CPHXL2: variants seen among roughly 807,000 people sequenced by gnomAD.
CPHXL2 encodes the protein cytoplasmic polyadenylated homeobox-like protein 2.
chr16:75,674,458 T>C, the CPHXL2 span, among the ~76,000 whole-genome samples: 1 of 149,790 alleles, frequency 6.7e-6, no homozygotes, highest in African/African-American at 2.5e-5. Context: ...CCTAAATAAA[T>C]GGATAGTTTA....
chr16:75,670,064 G>C, the CPHXL2 span, among the ~76,000 whole-genome samples: 1 of 152,190 alleles, frequency 6.6e-6, no homozygotes, highest in East Asian at 1.9e-4. Flanking sequence ...ACAGGCACCT[G>C]CCACTACGCC....
chr16:75,674,406 T>C, the CPHXL2 span, among the ~76,000 whole-genome samples: 6 of 136,224 alleles, frequency 4.4e-5, no homozygotes, highest in African/African-American at 1.7e-4. Flanking sequence ...AAGTGCAAAA[T>C]CTGTACTTTG....
At chr16:75,672,293 A>T in the CPHXL2 span, among the ~76,000 whole-genome samples, 1 of 151,800 alleles carries the variant, frequency 6.6e-6, no homozygotes, top group African/African-American at 2.4e-5. Context: ...AAAAAAAAAA[A>T]ATTTCCTTGA....
the CPHXL2 span, among the ~76,000 whole-genome samples, chr16:75,665,098 G>C: frequency 6.6e-6 from 1 of 152,178 alleles, no homozygotes; most frequent in African/African-American, 2.4e-5. Flanking sequence ...ACCAAAAAAA[G>C]CAAGTGCCTG....
chr16:75,669,654 A>C, the CPHXL2 span: 1 of 397,106 alleles, frequency 2.5e-6, no homozygotes. Context: ...CCCCTTCCCA[A>C]GTTGAAATCC....
chr16:75,660,419 G>A, the CPHXL2 span: 9 of 398,520 alleles, frequency 2.3e-5, no homozygotes, highest in East Asian at 1.1e-4. Flanking sequence ...GGGGAGGCAC[G>A]TGCTGCAGTT....
At chr16:75,660,908 A>G in the CPHXL2 span, 1 of 398,650 alleles carries the variant, frequency 2.5e-6, no homozygotes, top group Admixed American at 4.4e-5. Flanking sequence ...AGCACTGGGA[A>G]CCCACCTGTT....
the CPHXL2 span, among the ~76,000 whole-genome samples, chr16:75,673,109 A>G: frequency 1.3e-5 from 2 of 150,988 alleles, 1 homozygote; most frequent in African/African-American, 4.9e-5. Flanking sequence ...CAAAAAAAAG[A>G]AAAAGGGAAC....
the CPHXL2 span, among the ~76,000 whole-genome samples, chr16:75,662,833 C>T: frequency 2.1e-5 from 3 of 139,944 alleles, no homozygotes; most frequent in Non-Finnish European, 4.5e-5. Flanking sequence ...GAGTCTCGCT[C>T]TGTCGTCCAG....
the CPHXL2 span, among the ~76,000 whole-genome samples, chr16:75,664,512 C>T: frequency 6.6e-6 from 1 of 151,254 alleles, no homozygotes; most frequent in East Asian, 1.9e-4. Flanking sequence ...GTAATCCCAG[C>T]TACTTGGGAG....
chr16:75,667,646 C>T, the CPHXL2 span, among the ~76,000 whole-genome samples: 61 of 152,334 alleles, frequency 4.0e-4, no homozygotes, highest in African/African-American at 1.4e-3. Flanking sequence ...TACCACTCTG[C>T]TAGGGCTTGT....
the CPHXL2 span, among the ~76,000 whole-genome samples, chr16:75,662,340 T>C: frequency 5.0e-4 from 75 of 150,302 alleles, no homozygotes; most frequent in East Asian, 2.1e-3. Flanking sequence ...CTTTTCTTTT[T>C]TTTTTTTTTT....
At chr16:75,675,555 G>A in the CPHXL2 span, among the ~76,000 whole-genome samples, 1 of 152,052 alleles carries the variant, frequency 6.6e-6, no homozygotes, top group South Asian at 2.1e-4. Flanking sequence ...AAAATGTTTG[G>A]AAGTCTTGTC....
chr16:75,675,191 GA>G, the CPHXL2 span, among the ~76,000 whole-genome samples: 479 of 112,398 alleles, frequency 4.3e-3, no homozygotes, highest in African/African-American at 0.011. Flanking sequence ...TGTCTCAAAA[GA>G]AAAAAAAAAA....
chr16:75,668,523 G>A, the CPHXL2 span, among the ~76,000 whole-genome samples: 1 of 152,104 alleles, frequency 6.6e-6, no homozygotes, highest in African/African-American at 2.4e-5. Context: ...CACCGCAACA[G>A]GCCTATATTT....
chr16:75,669,530 T>C, the CPHXL2 span: 2 of 399,022 alleles, frequency 5.0e-6, no homozygotes, highest in Non-Finnish European at 8.8e-6. Context: ...CTTTCTTCAT[T>C]ATGATGATCC....
chr16:75,661,186 A>C, the CPHXL2 span: 1 of 400,802 alleles, frequency 2.5e-6, no homozygotes, highest in Non-Finnish European at 4.4e-6. Context: ...TGTTTTTTCC[A>C]AGTAAGAAAT....
chr16:75,661,556 A>G, the CPHXL2 span, among the ~76,000 whole-genome samples: 2 of 151,720 alleles, frequency 1.3e-5, no homozygotes, highest in Non-Finnish European at 2.9e-5. Flanking sequence ...ACCTATATGC[A>G]ATCTTCTCCT....
chr16:75,663,147 A>G, the CPHXL2 span, among the ~76,000 whole-genome samples: 1 of 152,222 alleles, frequency 6.6e-6, no homozygotes, highest in African/African-American at 2.4e-5. Flanking sequence ...AGTTACTTGC[A>G]TAATCTAACA....
Sources: allele counts gnomAD v4.1 joint callset (sites outside exome capture counted in the v4.1 genomes callset), GRCh38; gene constraint gnomAD v4.1.1; transcripts MANE v1.5; gene names NCBI Gene and HGNC (gene_info 2026-07-23, HGNC 2026-07-21).